PTPRA: variants seen among roughly 807,000 people sequenced by gnomAD.
The protein encoded by PTPRA is protein tyrosine phosphatase receptor type A.
In PTPRA, 25 loss-of-function variants were observed where a neutral mutation model predicts 104.8. The observed-to-expected ratio is 0.24, with a 90% CI of 0.17 to 0.33. PTPRA has a LOEUF of 0.33. PTPRA is among the 10% of genes least tolerant of loss of function. PTPRA has a pLI of 1.00. For synonymous variants in PTPRA, 323 were observed against 368.9 expected (o/e 0.88, Z 1.43); for missense variants, 765 against 1,015.3 (o/e 0.75, Z 3.35).
At position 2,953,345 on chromosome 20, in the gene PTPRA, C is replaced by G. The variant is rs543105217; in HGVS notation, c.-7+5321C>G. On this transcript the variant is annotated intron_variant, in intron 3 of 23. Transcript: ENST00000399903. ...TCTCGGCTCACTGCAACCTCTGCCCCCCGGGTTCAAGCGATTCTCCTGCCT... is the reference window on the plus strand; with the variant it reads ...TCTCGGCTCACTGCAACCTCTGCCCGCCGGGTTCAAGCGATTCTCCTGCCT... 2.4e-4 allele frequency among the ~76,000 whole-genome samples: 37 copies of G among 152,144 alleles called. No individual in the cohort carries two copies. In the South Asian group the frequency reaches 6.4e-3, roughly 26 times the overall value.
chr20:2,951,063 G>A (rs539114361), intron 3 of PTPRA, among the ~76,000 whole-genome samples: 1 of 152,166 alleles, frequency 6.6e-6, no homozygotes, highest in Non-Finnish European at 1.5e-5. Flanking sequence ...ATGTAGTATA[G>A]TATTAACCAT....
intron 2 of PTPRA, among the ~76,000 whole-genome samples, chr20:2,936,493 C>T: frequency 6.6e-6 from 1 of 151,814 alleles, no homozygotes; most frequent in East Asian, 1.9e-4. Context: ...CAGGGTCTCA[C>T]TTTTGTCACC....
intron 1 of PTPRA, among the ~76,000 whole-genome samples, chr20:2,899,006 G>A (rs1215478177): frequency 6.6e-6 from 1 of 152,170 alleles, no homozygotes; most frequent in Admixed American, 6.5e-5. Flanking sequence ...TTCTATTGGG[G>A]TGTTCTTCCT....
intron 17 of PTPRA, among the ~76,000 whole-genome samples, chr20:3,025,428 G>A (rs2065084703): frequency 6.8e-6 from 1 of 146,588 alleles, no homozygotes; most frequent in Admixed American, 6.9e-5. Flanking sequence ...ACTCCAGCCT[G>A]GGCGACAGAG....
chr20:3,019,998 G>A (rs1462458241), intron 13 of PTPRA, among the ~76,000 whole-genome samples: 1 of 152,300 alleles, frequency 6.6e-6, no homozygotes, highest in African/African-American at 2.4e-5. Context: ...CAGGCAGGGA[G>A]GTTGCAGTGA....
intron 1 of PTPRA, among the ~76,000 whole-genome samples, chr20:2,877,980 A>G (rs2089829141): frequency 6.6e-6 from 1 of 151,990 alleles, no homozygotes; most frequent in South Asian, 2.1e-4. Flanking sequence ...GTGAAACCCC[A>G]TCTCTACTAA....
chr20:2,902,253 C>T (rs180851419), intron 1 of PTPRA, among the ~76,000 whole-genome samples: 1 of 152,226 alleles, frequency 6.6e-6, no homozygotes, highest in Non-Finnish European at 1.5e-5. Flanking sequence ...TTGGTAAACA[C>T]TAAGCACCTC....
intron 8 of PTPRA, 37 bp downstream of exon 8, chr20:2,988,142 A>G (rs1428665682): frequency 7.1e-6 from 11 of 1,540,370 alleles, no homozygotes; most frequent in Non-Finnish European, 9.9e-6. Context: ...AACCTTCACA[A>G]GGAAGGAAAT....
At chr20:2,945,451 G>A (rs1166252721) in intron 2 of PTPRA, among the ~76,000 whole-genome samples, 1 of 151,980 alleles carries the variant, frequency 6.6e-6, no homozygotes, top group East Asian at 1.9e-4. Flanking sequence ...CTACAGGGGT[G>A]GTCAACTTCA....
At chr20:2,940,861 C>T in intron 2 of PTPRA, among the ~76,000 whole-genome samples, 1 of 152,102 alleles carries the variant, frequency 6.6e-6, no homozygotes, top group East Asian at 1.9e-4. Flanking sequence ...ATTTGTAAAT[C>T]CTAGAAGTGA....
chr20:2,874,336 G>C (rs556823895), intron 1 of PTPRA, among the ~76,000 whole-genome samples: 1 of 151,030 alleles, frequency 6.6e-6, no homozygotes, highest in Admixed American at 6.6e-5. Context: ...TTTTACTTTC[G>C]GTAAATAAAA....
Position 3,022,367 on chromosome 20 carries a change from G to T in PTPRA, c.1328+147G>T. 9.2e-7 allele frequency: 1 copy of T among 1,091,216 alleles called. No individual in the cohort carries two copies. Among genetic ancestry groups the T allele is most frequent in the Admixed American group, 2.6e-5 (1 of 39,192 alleles). The allele number at this position is 1,091,216 out of a possible 1,614,324, so 67.6% of individuals were successfully genotyped here. On this transcript the variant is annotated intron_variant, in intron 15 of 23. Coordinates refer to ENST00000399903, the MANE Select transcript of PTPRA (RefSeq NM_001385305.1). The surrounding 1 kb of genome is among the most constrained non-coding windows in gnomAD (Gnocchi z 4.6). ...CCAGCGCAACAGCCAGAGACTCCAA[G>T]TTCTAGTGCAGGGTGGAGAATATGA...
chr20:2,900,449 G>A (rs187725240), intron 1 of PTPRA, among the ~76,000 whole-genome samples: 1 of 152,274 alleles, frequency 6.6e-6, no homozygotes, highest in East Asian at 1.9e-4. Context: ...CATACAGGTA[G>A]TACTCAGTTT....
At chr20:3,011,265 A>G (rs1007405634) in intron 11 of PTPRA, among the ~76,000 whole-genome samples, 23 of 152,224 alleles carry the variant, frequency 1.5e-4, no homozygotes, top group Admixed American at 1.0e-3. Context: ...GTGGTTAACC[A>G]TAAGTGGGAA....
At chr20:2,897,384 C>CTT (rs60627339) in intron 1 of PTPRA, among the ~76,000 whole-genome samples, 3,591 of 108,826 alleles carry the variant, frequency 0.033, 176 homozygotes, top group Admixed American at 0.085. Context: ...CTTGGCATTT[C>CTT]TTTTTTTTTT....
At chr20:2,980,343 T>A (rs1037748616) in intron 6 of PTPRA, among the ~76,000 whole-genome samples, 2 of 151,634 alleles carry the variant, frequency 1.3e-5, no homozygotes, top group Admixed American at 1.3e-4. Context: ...TGAGGCAGGC[T>A]GATCACCTGA....
intron 1 of PTPRA, among the ~76,000 whole-genome samples, chr20:2,898,707 A>C (rs1420953851): frequency 6.6e-6 from 1 of 151,918 alleles, no homozygotes; most frequent in Admixed American, 6.6e-5. Flanking sequence ...AAAATATAAA[A>C]ATTAGCCGGG....
chr20:3,005,271 G>A (rs2063811018), intron 10 of PTPRA, 125 bp downstream of exon 10: 2 of 887,162 alleles, frequency 2.3e-6, no homozygotes, highest in Non-Finnish European at 3.6e-6. Flanking sequence ...GTTCATGGCA[G>A]TACTCAGTGG....
intron 12 of PTPRA, among the ~76,000 whole-genome samples, chr20:3,016,601 G>A (rs779530463): frequency 5.9e-5 from 9 of 152,252 alleles, no homozygotes; most frequent in East Asian, 5.8e-4. Flanking sequence ...TTAGCCAGGC[G>A]TGGTGGCACA....
Sources: allele counts gnomAD v4.1 joint callset (sites outside exome capture counted in the v4.1 genomes callset), GRCh38; gene constraint gnomAD v4.1.1; non-coding constraint Gnocchi (gnomAD v3.1); transcripts MANE v1.5; gene names NCBI Gene and HGNC (gene_info 2026-07-23, HGNC 2026-07-21).